The following ZNF444 variants were observed in gnomAD, a reference collection of about 807,000 sequenced individuals.
ZNF444 encodes endothelial zinc finger protein 2.
ZNF444 carries 8 observed loss-of-function variants against 14.4 expected under a neutral mutation model. The observed-to-expected ratio is 0.56, with a 90% CI of 0.33 to 1.00. The LOEUF (loss-of-function observed/expected upper bound fraction) is 1.00, where lower values mean the gene tolerates loss of function less well. Among genes scored for constraint, ZNF444 ranks in the 50% least tolerant of loss-of-function variants. The pLI is 0.03. For synonymous variants in ZNF444, 258 were observed against 235.9 expected (o/e 1.09, Z -0.86); for missense variants, 510 against 504.8 (o/e 1.01, Z -0.10).
At position 56,147,881 on chromosome 19, in the gene ZNF444, C is replaced by T. The variant is rs763012287; in HGVS notation, c.297+673C>T. Among the ~76,000 whole-genome samples, 4 of 152,128 alleles carry T rather than the reference C, an allele frequency of 2.6e-5. No homozygotes were observed. Among genetic ancestry groups the T allele is most frequent in the South Asian group, 2.1e-4 (1 of 4,828 alleles). On this transcript the variant is annotated intron_variant, in intron 3 of 4. Coordinates refer to ENST00000337080, the MANE Select transcript of ZNF444 (RefSeq NM_018337.4). This position sits in a 1 kb window ranked among gnomAD's most constrained non-coding sequence, Gnocchi z 5.9. ...TCTTGACCACACAGCAGGCAAGGGCCGACTCACGTTCTGGGTGAAGTCTTG... is the reference window on the plus strand; with the variant it reads ...TCTTGACCACACAGCAGGCAAGGGCTGACTCACGTTCTGGGTGAAGTCTTG...
upstream of ZNF444, chr19:56,141,190 G>C (rs2123459864): frequency 6.6e-6 from 1 of 151,506 alleles, no homozygotes; most frequent in South Asian, 2.1e-4. Context: ...GTGAGGCCGG[G>C]GCTTCATGGG....
In ZNF444 at chr19:56,147,570, C is replaced by T. The variant is rs1369634339; in HGVS notation, c.297+362C>T. Among the ~76,000 whole-genome samples, 1 of 152,078 alleles carries T rather than the reference C, an allele frequency of 6.6e-6. No individual in the cohort carries two copies. Among genetic ancestry groups the T allele is most frequent in the African/African-American group, 2.4e-5 (1 of 41,406 alleles). On this transcript the variant is annotated intron_variant, in intron 3 of 4. Transcript: ENST00000337080. The surrounding 1 kb of genome is among the most constrained non-coding windows in gnomAD (Gnocchi z 5.9). ...AGCTGTCCTCTCCCCGCACCCCGCC[C>T]GCACGCAGGGGGTCTTGCCGGCCAG...
At chr19:56,158,449 G>A (rs757643997) in intron 3 of ZNF444, 45 bp from the exon 4 acceptor site, 1 of 1,525,952 alleles carries the variant, frequency 6.6e-7, no homozygotes, top group Non-Finnish European at 8.9e-7. Context: ...AGAAATAGAG[G>A]CCCTTGCTCA....
At chr19:56,143,028 G>A (rs2030930980) in intron 1 of ZNF444, among the ~76,000 whole-genome samples, 1 of 152,226 alleles carries the variant, frequency 6.6e-6, no homozygotes, top group Non-Finnish European at 1.5e-5. Flanking sequence ...GCCACTCAGT[G>A]GCTGTCTTCA....
upstream of ZNF444, among the ~76,000 whole-genome samples, chr19:56,136,652 G>T (rs1160588989): frequency 1.3e-5 from 2 of 152,192 alleles, no homozygotes; most frequent in Non-Finnish European, 2.9e-5. Context: ...GACTATTCTA[G>T]AGTGCAGGTA....
intron 3 of ZNF444, among the ~76,000 whole-genome samples, chr19:56,149,360 A>C (rs1424400425): frequency 7.9e-5 from 6 of 76,024 alleles, no homozygotes; most frequent in African/African-American, 1.5e-4. Flanking sequence ...TCCATCCCCC[A>C]TCACTCCTCT....
chr19:56,137,944 A>G (rs929516968), upstream of ZNF444, among the ~76,000 whole-genome samples: 8 of 152,034 alleles, frequency 5.3e-5, no homozygotes, highest in African/African-American at 1.7e-4. Context: ...CAACATGGTG[A>G]AACCCCGTCT....
intron 3 of ZNF444, chr19:56,150,592 C>A: frequency 2.3e-6 from 1 of 442,920 alleles, no homozygotes; most frequent in Non-Finnish European, 4.5e-6. Context: ...CTCTCTGGCA[C>A]ATGATACTGG....
At position 56,160,240 on chromosome 19, in the gene ZNF444, G is replaced by A; in HGVS notation, c.*39G>A. On this transcript the variant is annotated 3_prime_UTR_variant, in exon 5 of 5. Coordinates refer to ENST00000337080, the MANE Select transcript of ZNF444 (RefSeq NM_018337.4). ...AGCGCCATCTCCCGCCCTTGGTGCT[G>A]CCCCCGGGCGGTACCTGCTCTCTCC... is the stretch of plus-strand genomic sequence containing the variant. The A allele has an allele frequency of 7.2e-7, 1 of 1,390,488 alleles. No individual in the cohort carries two copies. The highest frequency in any genetic ancestry group is 1.6e-5 in the South Asian group (1 of 63,500). 86.1% of individuals were successfully genotyped at this position (1,390,488 alleles called of 1,614,324 possible).
chr19:56,132,842 G>C (rs368746062), intron 1 of ZNF444: 2 of 152,308 alleles, frequency 1.3e-5, no homozygotes, highest in South Asian at 2.1e-4. Context: ...CTAAGGAAGA[G>C]GATATATCTG....
upstream of ZNF444, among the ~76,000 whole-genome samples, chr19:56,137,680 T>C (rs1425731017): frequency 2.0e-5 from 3 of 152,138 alleles, no homozygotes; most frequent in Non-Finnish European, 2.9e-5. Context: ...CTGAGGGCCA[T>C]GCTTTTCTAA....
intron 3 of ZNF444, among the ~76,000 whole-genome samples, chr19:56,148,752 C>T (rs1424912024): frequency 6.6e-6 from 1 of 152,124 alleles, no homozygotes; most frequent in East Asian, 1.9e-4. Flanking sequence ...ATCACAAACG[C>T]AGCGGCTTAG....
chr19:56,156,393 T>C lies in ZNF444; in HGVS notation c.298-2101T>C, dbSNP rs1251644851. 4 of 152,150 alleles carry C rather than the reference T, an allele frequency of 2.6e-5. No homozygotes were observed. The East Asian group carries it at 7.7e-4, about 29-fold the overall frequency. The allele number at this position is 152,150 out of a possible 1,614,324, so 9.4% of individuals were successfully genotyped here. A position where few individuals can be genotyped will look rare whatever the true frequency, so the allele number is the denominator to read the frequency against. On this transcript the variant is annotated intron_variant, in intron 3 of 4. Coordinates refer to ENST00000337080, the MANE Select transcript of ZNF444 (RefSeq NM_018337.4). Reference sequence around the variant, plus strand: ...TAAAACGGGTGTGATCGAATCCGAGTAGACCGAGCGGGGAAACCTCGCAAG... The same window carrying C: ...TAAAACGGGTGTGATCGAATCCGAGCAGACCGAGCGGGGAAACCTCGCAAG...
At chr19:56,140,010 C>A (rs1463551665), upstream of ZNF444, among the ~76,000 whole-genome samples, 1 of 152,204 alleles carries the variant, frequency 6.6e-6, no homozygotes, top group Non-Finnish European at 1.5e-5. Context: ...GAGGAGAAGA[C>A]AGTGGTAGAC....
In ZNF444 at chr19:56,160,241, C is replaced by T. The variant is rs1386487802; in HGVS notation, c.*40C>T. On this transcript the variant is annotated 3_prime_UTR_variant, in exon 5 of 5. Transcript: ENST00000337080. Reference sequence around the variant, plus strand: ...GCGCCATCTCCCGCCCTTGGTGCTGCCCCCGGGCGGTACCTGCTCTCTCCC... The same window carrying T: ...GCGCCATCTCCCGCCCTTGGTGCTGTCCCCGGGCGGTACCTGCTCTCTCCC... 1 of 1,384,860 alleles carries T rather than the reference C, an allele frequency of 7.2e-7. No homozygotes were observed. Among genetic ancestry groups the T allele is most frequent in the Non-Finnish European group, 9.3e-7 (1 of 1,075,166 alleles). The allele number at this position is 1,384,860 out of a possible 1,614,324, so 85.8% of individuals were successfully genotyped here.
chr19:56,150,231 T>C, intron 3 of ZNF444: 1 of 217,696 alleles, frequency 4.6e-6, no homozygotes, highest in Non-Finnish European at 9.4e-6. Context: ...TAAAATGTTC[T>C]TTTAGGAAAA....
At position 56,160,406 on chromosome 19, in the gene ZNF444, C is replaced by A. The variant is rs2032220683; in HGVS notation, c.*205C>A. ...AAATTTCACTTTCCTTCTCAGGTCTCACCTCAGCCCCCCCCTTCTCCCTGA... is the reference window on the plus strand; with the variant it reads ...AAATTTCACTTTCCTTCTCAGGTCTAACCTCAGCCCCCCCCTTCTCCCTGA... On this transcript the variant is annotated 3_prime_UTR_variant, in exon 5 of 5. Transcript: ENST00000337080. 2 of 495,690 alleles carry A rather than the reference C, an allele frequency of 4.0e-6. No homozygotes were observed. The highest frequency in any genetic ancestry group is 7.0e-6 in the Non-Finnish European group (2 of 286,010). The allele number at this position is 495,690 out of a possible 1,614,324, so 30.7% of individuals were successfully genotyped here.
At chr19:56,136,033 G>A (rs1008151531) in intron 1 of ZNF444, among the ~76,000 whole-genome samples, 3 of 132,062 alleles carry the variant, frequency 2.3e-5, no homozygotes, top group African/African-American at 9.0e-5. Context: ...AGTGAGCCAA[G>A]ATCTCACCAC....
In ZNF444 at chr19:56,158,455, G is replaced by A. The variant is rs892656077; in HGVS notation, c.298-39G>A. ...GGGAGAGGGAGAAATAGAGGCCCTT[G>A]CTCAGGTTTCTGAGTTCAAAACTGT... On this transcript the variant is annotated intron_variant, in intron 3 of 4. Transcript: ENST00000337080. 4.5e-6 allele frequency: 7 copies of A among 1,560,948 alleles called. No individual in the cohort carries two copies. The Admixed American group carries it at 7.5e-5, about 17-fold the overall frequency.
Sources: gnomAD v4.1 joint callset for allele counts (sites outside exome capture counted in the v4.1 genomes callset) on GRCh38, gnomAD v4.1.1 for gene constraint, Gnocchi (gnomAD v3.1) non-coding constraint, MANE v1.5 for transcripts, NCBI Gene and HGNC (gene_info 2026-07-23, HGNC 2026-07-21) for gene names.